COL6A1: variants seen among roughly 807,000 people sequenced by gnomAD.
COL6A1 encodes the protein collagen type VI alpha 1 chain.
COL6A1 carries 80 observed loss-of-function variants against 145.6 expected under a neutral mutation model. The ratio of observed to expected loss-of-function variants is 0.55; its 90% CI spans 0.46 to 0.66. The LOEUF (loss-of-function observed/expected upper bound fraction) is 0.66. Ranked by LOEUF, COL6A1 falls within the 30% of genes least tolerant of loss-of-function variation. COL6A1 has a pLI of 0.00. For missense variants in COL6A1, 1,364 were observed against 1,473.8 expected (o/e 0.93, Z 1.22); for synonymous variants, 638 against 622.8 (o/e 1.02, Z -0.36).
chr21:45,987,141 A>AT lies in COL6A1; in HGVS notation c.718-11dup, dbSNP rs778494336. ...AGGTGGAAAGTAATTCTGCGTTTCC[A>AT]TTTCTCTTTCCAGAAAAATAACGTG... is the stretch of plus-strand genomic sequence containing the variant. On this transcript the variant is annotated splice_polypyrimidine_tract_variant and intron_variant, in intron 5 of 34. Transcript: ENST00000361866. The AT allele has an allele frequency of 2.9e-5, 46 of 1,596,588 alleles. No individual in the cohort carries two copies. Among genetic ancestry groups the AT allele is most frequent in the South Asian group, 2.1e-4 (19 of 88,666 alleles).
rs770610890 is a variant in COL6A1 at position 46,002,539 on chromosome 21, G to A, written c.2263G>A (p.Gly755Ser). ...TCTGTCCCCACAGGTGGTCTCCGTG[G>A]GCATCAAAGACGTGTTTGACTTCAT... ...CSPGIQVVSV[G>S]IKDVFDFIPG... Residue 755 changes from glycine (G) to serine (S), a missense_variant, in exon 33 of 35, where the codon GGC becomes AGC. By Grantham distance (56) the Gly-to-Ser change is moderately conservative (BLOSUM62 0). Around this residue, in one of 3 missense-constraint regions of COL6A1, gnomAD observed 938 missense variants for 1,003.8 expected, o/e 0.93. Coordinates refer to ENST00000361866, the MANE Select transcript of COL6A1 (RefSeq NM_001848.3). 6 of 1,614,012 alleles carry A rather than the reference G, an allele frequency of 3.7e-6. No individual in the cohort carries two copies. In the African/African-American group the frequency reaches 6.7e-5, roughly 18 times the overall value.
chr21:45,994,186 G>A lies in COL6A1; in HGVS notation c.1355G>A (p.Gly452Asp), dbSNP rs1486536900. The A allele has an allele frequency of 6.2e-7, 1 of 1,606,898 alleles. No individual in the cohort carries two copies. The highest frequency in any genetic ancestry group is 8.5e-7 in the Non-Finnish European group (1 of 1,177,592). Residue 452 changes from glycine (G) to aspartate (D), a missense_variant, in exon 20 of 35, where the codon GGT (glycine) becomes GAT (aspartate). Coordinates refer to ENST00000361866, the MANE Select transcript of COL6A1 (RefSeq NM_001848.3). The surrounding 1 kb of genome is among the most constrained non-coding windows in gnomAD (Gnocchi z 6.8). The part of the protein sequence containing the change: ...RGDPGEAGPQ[G>D]DQGREGPVGV... ...CTTCAGGGTGAAGCTGGCCCGCAGG[G>A]TGATCAGGGAAGAGAAGGCCCCGTT...
At chr21:46,001,548 C>T (rs564191069) in intron 30 of COL6A1, among the ~76,000 whole-genome samples, 162 bp downstream of exon 30, 1 of 152,244 alleles carries the variant, frequency 6.6e-6, no homozygotes, top group Non-Finnish European at 1.5e-5. Flanking sequence ...CCGTCCAGGC[C>T]TCCAGCTCCA....
chr21:45,985,436 G>A (rs2077734071), intron 3 of COL6A1, among the ~76,000 whole-genome samples: 1 of 152,178 alleles, frequency 6.6e-6, no homozygotes, highest in Non-Finnish European at 1.5e-5. Context: ...AACAGAGGCA[G>A]AGAGACTGAG....
At chr21:45,997,671 C>T (rs950133968) in intron 21 of COL6A1, 29 bp from the exon 22 acceptor site, 9 of 1,573,788 alleles carry the variant, frequency 5.7e-6, no homozygotes, top group Non-Finnish European at 7.8e-6. Flanking sequence ...GCTAAGCCTG[C>T]TCCCCTCACG....
rs1603593138 is a variant in COL6A1 at position 45,998,234 on chromosome 21, T to C, written c.1575+63T>C. ...AAGCTGCCTGCGGCGCCCTCTTTAG[T>C]GGACTGGGCACTCTTGGGTGGGCGG... On this transcript the variant is annotated intron_variant, in intron 23 of 34. Coordinates refer to ENST00000361866, the MANE Select transcript of COL6A1 (RefSeq NM_001848.3). 13 of 1,593,534 alleles carry C rather than the reference T, an allele frequency of 8.2e-6. No individual in the cohort carries two copies. In the East Asian group the frequency reaches 3.0e-4, roughly 37 times the overall value.
chr21:45,997,398 G>A (rs371834267), intron 20 of COL6A1, 23 bp from the exon 21 acceptor site: 116 of 1,611,778 alleles, frequency 7.2e-5, no homozygotes, highest in Non-Finnish European at 9.1e-5. Context: ...GTGGTCCAAC[G>A]TGCCATATCC....
rs886057161 is a variant in COL6A1, at chr21:46,004,646, T to C, written c.*633T>C. On this transcript the variant is annotated 3_prime_UTR_variant, in exon 35 of 35. Coordinates refer to ENST00000361866, the MANE Select transcript of COL6A1 (RefSeq NM_001848.3). ...CAGGAGGCCGTTGCAGACATAAATC[T>C]CGGCGACTCGGCCCCGTCTCCTGAG... 3 of 435,154 alleles carry C rather than the reference T, an allele frequency of 6.9e-6. No individual in the cohort carries two copies. The highest frequency in any genetic ancestry group is 9.3e-6 in the Non-Finnish European group (2 of 214,704). 27.0% of individuals were successfully genotyped at this position (435,154 alleles called of 1,614,324 possible).
At chr21:45,999,072 G>A in intron 25 of COL6A1, 81 bp from the exon 26 acceptor site, 1 of 1,542,104 alleles carries the variant, frequency 6.5e-7, no homozygotes, top group Non-Finnish European at 8.8e-7. Context: ...GGCCCCGGCT[G>A]CTGGATGCTC....
At position 46,003,891 on chromosome 21, in the gene COL6A1, G is replaced by T. The variant is rs138652066; in HGVS notation, c.2965G>T (p.Gly989Cys). ...GCCCCACATCCGCGTCCTGGTCACC[G>T]GCAAGACGGCCGAGTACGACGTGGC... Reference protein sequence around the residue: ...NEPHIRVLVTGKTAEYDVAYG... With the variant: ...NEPHIRVLVTCKTAEYDVAYG... Residue 989 changes from glycine (G) to cysteine (C), a missense_variant, in exon 35 of 35, where the codon GGC becomes TGC. Gly to Cys is a radical substitution (Grantham distance 159). Around this residue, in one of 3 missense-constraint regions of COL6A1, gnomAD observed 938 missense variants for 1,003.8 expected, o/e 0.93. Transcript: ENST00000361866. 11 of 1,601,652 alleles carry T rather than the reference G, an allele frequency of 6.9e-6. No individual in the cohort carries two copies. Among genetic ancestry groups the T allele is most frequent in the Non-Finnish European group, 9.4e-6 (11 of 1,171,580 alleles).
rs1569518775 is a variant in COL6A1, at chr21:45,998,941, CG to C, written c.1660del (p.Asp554ThrfsTer48). 1.9e-6 allele frequency: 3 copies of C among 1,555,004 alleles called. No individual in the cohort carries two copies. The South Asian group carries it at 3.6e-5, about 18-fold the overall frequency. On this transcript the variant is annotated frameshift_variant, in exon 25 of 35. Transcript: ENST00000361866. LOFTEE classifies it high-confidence loss of function. ...GCCTCAAGGGGGACGAGGGAGAAGC[CG>C]GGGACCCCGGAGACGATGTAAGTGT... ...PGLKGDEGEA[G>X]DPGDDNNDIA...
rs2077743596 is a variant in COL6A1, at chr21:45,987,084, G to A, written c.717+12G>A. 6.4e-7 allele frequency: 1 copy of A among 1,561,588 alleles called. No individual in the cohort carries two copies. The highest frequency in any genetic ancestry group is 2.4e-5 in the East Asian group (1 of 42,018). ...TCGTGGACATGATCGTGAGGCCCCT[G>A]CCCAGGAGACGGGGAGGCCCGCGGC... On this transcript the variant is annotated intron_variant, in intron 5 of 34. Transcript: ENST00000361866.
chr21:45,992,586 C>T (rs144174477), intron 18 of COL6A1, among the ~76,000 whole-genome samples, 162 bp from the exon 19 acceptor site: 20 of 152,334 alleles, frequency 1.3e-4, no homozygotes, highest in African/African-American at 4.8e-4. Flanking sequence ...CCTGGGGAAC[C>T]AGGAGATTCC....
Position 45,987,610 on chromosome 21 carries a change from C to T in COL6A1, c.760C>T (p.Pro254Ser), listed in dbSNP as rs762872449. The T allele has an allele frequency of 6.2e-7, 1 of 1,612,156 alleles. No homozygotes were observed. The highest frequency in any genetic ancestry group is 2.2e-5 in the East Asian group (1 of 44,868). Residue 254 changes from proline to serine, a missense_variant and splice_region_variant, in exon 8 of 35, where the codon CCT (proline) becomes TCT (serine). By Grantham distance (74) the Pro-to-Ser change is moderately conservative (BLOSUM62 -1). Transcript: ENST00000361866. ...GCTGACCGTCCCCTCTGCCTTGCAG[C>T]CTGCAAGAGGACCTCCGGGGCTCCG... Reference protein sequence around the residue: ...EQVCCSFECQPARGPPGLRGD... With the variant: ...EQVCCSFECQSARGPPGLRGD...
At chr21:45,993,507 C>T (rs1434262782) in intron 19 of COL6A1, among the ~76,000 whole-genome samples, 3 of 152,220 alleles carry the variant, frequency 2.0e-5, no homozygotes, top group African/African-American at 4.8e-5. Flanking sequence ...GCAGCGCCCC[C>T]GGGTGCCCCC....
At chr21:45,992,617 A>G in intron 18 of COL6A1, 131 bp from the exon 19 acceptor site, 1 of 1,067,214 alleles carries the variant, frequency 9.4e-7, no homozygotes, top group Non-Finnish European at 1.4e-6. Flanking sequence ...ACCGTGGGGC[A>G]TGCGGTGGAG....
At chr21:45,996,673 G>A (rs745435480) in intron 20 of COL6A1, among the ~76,000 whole-genome samples, 8 of 152,256 alleles carry the variant, frequency 5.3e-5, no homozygotes, top group African/African-American at 7.2e-5. Flanking sequence ...ATGTGTACAC[G>A]GCTCCCTTCT....
chr21:45,984,563 T>G, intron 3 of COL6A1, 94 bp downstream of exon 3: 2 of 1,205,700 alleles, frequency 1.7e-6, no homozygotes, highest in Admixed American at 3.6e-5. Flanking sequence ...CGGCTTCAGC[T>G]GCAGCCTCCC....
chr21:45,993,072 T>G (rs949892493), intron 19 of COL6A1, among the ~76,000 whole-genome samples: 7 of 152,268 alleles, frequency 4.6e-5, no homozygotes, highest in Admixed American at 1.3e-4. Context: ...TCCACGTTTC[T>G]GCATCCGAGC....
Sources: allele counts gnomAD v4.1 joint callset (sites outside exome capture counted in the v4.1 genomes callset), GRCh38; gene constraint gnomAD v4.1.1; regional missense constraint gnomAD v4.1.1; non-coding constraint Gnocchi (gnomAD v3.1); transcripts MANE v1.5; gene names NCBI Gene and HGNC (gene_info 2026-07-23, HGNC 2026-07-21).